FSIP2: variants seen among roughly 807,000 people sequenced by gnomAD.
The protein encoded by FSIP2 is fibrous sheath-interacting protein 2.
A neutral mutation model predicts 510.5 loss-of-function variants in FSIP2; 367 were observed. The observed-to-expected ratio is 0.72, with a 90% CI of 0.66 to 0.78. The LOEUF (loss-of-function observed/expected upper bound fraction) is 0.78. Among genes scored for constraint, FSIP2 ranks in the 30% least tolerant of loss-of-function variants. The probability of loss-of-function intolerance (pLI) is 0.00; values close to 1 mark genes in which losing one functional copy is unlikely to be tolerated. For synonymous variants in FSIP2, 2,601 were observed against 2,732.2 expected (o/e 0.95, Z 1.50); for missense variants, 7,594 against 7,901.7 (o/e 0.96, Z 1.48).
chr2:185,801,139 G>A lies in FSIP2; in HGVS notation c.11833G>A (p.Glu3945Lys). ...AAAATCCTCTTCTGTGTCACCTTTT[G>A]AAAGACAGAGAACAAAGGAAATGGA... is the stretch of plus-strand genomic sequence containing the variant. ...AVKSSSVSPF[E>K]RQRTKEMDKV... The change falls in exon 17 of 23, where the codon GAA becomes AAA. Residue 3945 changes from glutamate (E) to lysine (K), a missense_variant. Transcript: ENST00000424728. 2 of 1,533,620 alleles carry A rather than the reference G, an allele frequency of 1.3e-6. No homozygotes were observed. The highest frequency in any genetic ancestry group is 1.7e-6 in the Non-Finnish European group (2 of 1,145,418).
intron 13 of FSIP2, among the ~76,000 whole-genome samples, chr2:185,776,099 G>A (rs1413122478): frequency 6.6e-6 from 1 of 152,086 alleles, no homozygotes; most frequent in Non-Finnish European, 1.5e-5. Context: ...GTGATACACT[G>A]TCTCTACCTA....
intron 13 of FSIP2, among the ~76,000 whole-genome samples, chr2:185,767,402 C>G (rs1692511063): frequency 6.6e-6 from 1 of 152,124 alleles, no homozygotes; most frequent in Non-Finnish European, 1.5e-5. Context: ...TAACTACAGT[C>G]ACACTGTTGT....
Position 185,801,655 on chromosome 2 carries a change from C to T in FSIP2, c.12349C>T (p.Leu4117Phe). 6.5e-7 allele frequency: 1 copy of T among 1,529,002 alleles called. No homozygotes were observed. Among genetic ancestry groups the T allele is most frequent in the Non-Finnish European group, 8.7e-7 (1 of 1,143,440 alleles). The allele number at this position is 1,529,002 out of a possible 1,614,324, so 94.7% of individuals were successfully genotyped here. Residue 4117 changes from leucine (L) to phenylalanine (F), a missense_variant, in exon 17 of 23, where the codon CTT (leucine) becomes TTT (phenylalanine). By Grantham distance (22) the Leu-to-Phe change is conservative. Coordinates refer to ENST00000424728, the MANE Select transcript of FSIP2 (RefSeq NM_173651.4). ...PLKPEIILQK[L>F]QSNLTEFTSL... ...CAAACCTGAAATTATATTGCAAAAG[C>T]TTCAAAGTAACCTAACAGAATTTAC...
chr2:185,752,991 G>T (rs999297670), intron 7 of FSIP2, among the ~76,000 whole-genome samples: 3 of 151,274 alleles, frequency 2.0e-5, no homozygotes, highest in East Asian at 3.9e-4. Flanking sequence ...TGATTTGCTG[G>T]TGGGGTGAGA....
At chr2:185,811,468 C>CAAA (rs796187112) in intron 17 of FSIP2, among the ~76,000 whole-genome samples, 1 of 59,012 alleles carries the variant, frequency 1.7e-5, no homozygotes. Context: ...GACTCCACCT[C>CAAA]AAAAAAAAAA....
At position 185,738,834 on chromosome 2, in the gene FSIP2, CG is replaced by C; in HGVS notation, c.-57del. The C allele has an allele frequency of 6.5e-7, 1 of 1,535,646 alleles. No individual in the cohort carries two copies. The highest frequency in any genetic ancestry group is 8.7e-7 in the Non-Finnish European group (1 of 1,146,694). On this transcript the variant is annotated 5_prime_UTR_variant, in exon 1 of 23. Coordinates refer to ENST00000424728, the MANE Select transcript of FSIP2 (RefSeq NM_173651.4). ...TGGTCAGGTCCGGACAGAGGGACAA[CG>C]GGGTGCTAGAGAAGGAGAGCGGGGC...
intron 18 of FSIP2, 125 bp from the exon 19 acceptor site, chr2:185,815,246 A>G (rs1313297365): frequency 1.7e-6 from 1 of 598,684 alleles, no homozygotes; most frequent in East Asian, 3.2e-5. Flanking sequence ...GCCCACACCC[A>G]TCTTTTAACT....
At chr2:185,829,076 A>C (rs1237774725) in intron 21 of FSIP2, among the ~76,000 whole-genome samples, 1 of 151,862 alleles carries the variant, frequency 6.6e-6, no homozygotes, top group Admixed American at 6.6e-5. Context: ...CACACTTTAC[A>C]AACAGTAAAA....
chr2:185,800,068 A>C lies in FSIP2; in HGVS notation c.10762A>C (p.Lys3588Gln), dbSNP rs756374725. The C allele has an allele frequency of 2.0e-6, 3 of 1,532,508 alleles. No homozygotes were observed. In the South Asian group the frequency reaches 3.6e-5, roughly 18 times the overall value. 94.9% of individuals were successfully genotyped at this position (1,532,508 alleles called of 1,614,324 possible). The change falls in exon 17 of 23, where the codon AAA becomes CAA. Residue 3588 changes from lysine (K) to glutamine (Q), a missense_variant. Coordinates refer to ENST00000424728, the MANE Select transcript of FSIP2 (RefSeq NM_173651.4). ...ACAGAAAATGGTTGCCATACCTACA[A>C]AATACACTTACTGTCCAGGAATAGT... ...IAQKMVAIPT[K>Q]YTYCPGIVSG...
chr2:185,832,220 C>G (rs1694120946), intron 22 of FSIP2, among the ~76,000 whole-genome samples: 1 of 151,854 alleles, frequency 6.6e-6, no homozygotes, highest in African/African-American at 2.4e-5. Flanking sequence ...AGCAGCAGAG[C>G]TATGTTTCAA....
rs17228441 is a variant in FSIP2 at position 185,763,216 on chromosome 2, T to C, written c.1274T>C (p.Ile425Thr). ...AATATTTCAGGCCAAGGTTCAATTA[T>C]TTCAGCGCAGGTATCACCCACGAGA... The part of the protein sequence containing the change: ...GINISGQGSI[I>T]SAQVSPTRNF... The change falls in exon 12 of 23, where the codon ATT becomes ACT. Residue 425 changes from isoleucine to threonine, a missense_variant. Physicochemically the swap from Ile to Thr is moderately conservative, Grantham distance 89 (BLOSUM62 -1). Transcript: ENST00000424728. The C allele has an allele frequency of 0.54, 810,635 of 1,501,810 alleles. 221,322 individuals carry two copies. Among genetic ancestry groups the C allele is most frequent in the South Asian group, 0.64 (53,179 of 83,274 alleles). The allele number at this position is 1,501,810 out of a possible 1,614,324, so 93.0% of individuals were successfully genotyped here.
rs185278826 is a variant in FSIP2, at chr2:185,814,447, A to G, written c.20325+405A>G. 7.6e-4 allele frequency among the ~76,000 whole-genome samples: 115 copies of G among 152,196 alleles called. 1 individual carries two copies. The highest frequency in any genetic ancestry group is 6.5e-3 in the Admixed American group (99 of 15,270). On this transcript the variant is annotated intron_variant, in intron 18 of 22. Coordinates refer to ENST00000424728, the MANE Select transcript of FSIP2 (RefSeq NM_173651.4). ...AGGAGGAACAAAATAAGATCCACGG[A>G]AATTCAGATTGTTTGGGTTTGAATC...
At chr2:185,773,066 GC>G (rs933773620) in intron 13 of FSIP2, among the ~76,000 whole-genome samples, 1 of 151,738 alleles carries the variant, frequency 6.6e-6, no homozygotes, top group Non-Finnish European at 1.5e-5. Flanking sequence ...TTGTCATATT[GC>G]CCAGGCTGTT....
chr2:185,807,171 T>G lies in FSIP2; in HGVS notation c.17865T>G (p.Asn5955Lys). The stretch of plus-strand genomic sequence containing the variant: ...GAAGACTAACTAGTGCAGTGATAAA[T>G]GAAATTTTCCAACGTCAGGTTAACT... ...LARRLTSAVI[N>K]EIFQRQVNLI... The change falls in exon 17 of 23, where the codon AAT becomes AAG. Residue 5955 changes from asparagine to lysine, a missense_variant. By Grantham distance (94) the Asn-to-Lys change is moderately conservative. Coordinates refer to ENST00000424728, the MANE Select transcript of FSIP2 (RefSeq NM_173651.4). The G allele has an allele frequency of 6.2e-7, 1 of 1,601,980 alleles. No individual in the cohort carries two copies. Among genetic ancestry groups the G allele is most frequent in the Admixed American group, 1.7e-5 (1 of 57,480 alleles).
At chr2:185,754,067 G>C (rs1692197655) in intron 8 of FSIP2, among the ~76,000 whole-genome samples, 1 of 151,384 alleles carries the variant, frequency 6.6e-6, no homozygotes, top group Non-Finnish European at 1.5e-5. Context: ...AGTCTTGCCT[G>C]TACTGCATTT....
rs1160421254 is a variant in FSIP2, at chr2:185,791,818, C to T, written c.4682C>T (p.Ala1561Val). The T allele has an allele frequency of 6.5e-7, 1 of 1,533,874 alleles. No homozygotes were observed. Among genetic ancestry groups the T allele is most frequent in the Non-Finnish European group, 8.7e-7 (1 of 1,145,504 alleles). ...ACTAAAAGCAAGGCAAAACCTGTTGCTCCTGTGTCTTCCAAAACACCAAGC... is the reference window on the plus strand; with the variant it reads ...ACTAAAAGCAAGGCAAAACCTGTTGTTCCTGTGTCTTCCAAAACACCAAGC... ...EETKSKAKPV[A>V]PVSSKTPSTK... The change falls in exon 16 of 23, where the codon GCT (alanine) becomes GTT (valine). Residue 1561 changes from alanine to valine, a missense_variant. Coordinates refer to ENST00000424728, the MANE Select transcript of FSIP2 (RefSeq NM_173651.4).
At position 185,738,973 on chromosome 2, in the gene FSIP2, G is replaced by C; in HGVS notation, c.79G>C (p.Asp27His). ...GACGGTCGCCAGCGTCCTGGCCGCG[G>C]ACACCCAGCAGTGCAGAGACGTGAG... The part of the protein sequence containing the change: ...TKTVASVLAA[D>H]TQQCRDGVHK... The change falls in exon 1 of 23, where the codon GAC becomes CAC. Residue 27 changes from aspartate (D) to histidine (H), a missense_variant. Asp to His is a moderately conservative substitution (Grantham distance 81). Transcript: ENST00000424728. The C allele has an allele frequency of 6.5e-7, 1 of 1,533,578 alleles. No homozygotes were observed. The highest frequency in any genetic ancestry group is 1.2e-5 in the South Asian group (1 of 83,926). 95.0% of individuals were successfully genotyped at this position (1,533,578 alleles called of 1,614,324 possible).
At chr2:185,740,769 T>G (rs1691907251) in intron 2 of FSIP2, among the ~76,000 whole-genome samples, 1 of 152,130 alleles carries the variant, frequency 6.6e-6, no homozygotes, top group South Asian at 2.1e-4. Context: ...GAGAGTTCCC[T>G]GTGGTCTCTA....
At position 185,796,400 on chromosome 2, in the gene FSIP2, C is replaced by T. The variant is rs2105627085; in HGVS notation, c.9264C>T (p.Asp3088=). 1 of 1,533,620 alleles carries T rather than the reference C, an allele frequency of 6.5e-7. No homozygotes were observed. Among genetic ancestry groups the T allele is most frequent in the Non-Finnish European group, 8.7e-7 (1 of 1,145,166 alleles). Residue 3088 remains aspartate (D), a synonymous_variant, in exon 16 of 23, where the codon GAC becomes GAT. Coordinates refer to ENST00000424728, the MANE Select transcript of FSIP2 (RefSeq NM_173651.4). ...LLTYAVNIIS[D]MLAVIKNKLD... ...CATATGCTGTTAATATCATCAGTGA[C>T]ATGCTTGCTGTAATTAAGAACAAGC...
Sources: gnomAD v4.1 joint callset for allele counts (sites outside exome capture counted in the v4.1 genomes callset) on GRCh38, gnomAD v4.1.1 for gene constraint, MANE v1.5 for transcripts, NCBI Gene and HGNC (gene_info 2026-07-23, HGNC 2026-07-21) for gene names.